The following TLR7 variants were observed in gnomAD, a reference collection of about 807,000 sequenced individuals.
The protein encoded by TLR7 is toll-like receptor 7.
Under a neutral mutation model 38.3 loss-of-function variants are expected in TLR7, and 12 were observed. That is an observed-to-expected ratio of 0.31 (90% CI 0.20 to 0.51). TLR7 has a LOEUF of 0.51. Ranked by LOEUF, TLR7 falls within the 20% of genes least tolerant of loss-of-function variation. The pLI is 0.98. For synonymous variants in TLR7, 285 were observed against 293.8 expected, an observed-to-expected ratio of 0.97 and a Z score of 0.31; for missense variants, 504 against 743.4, an observed-to-expected ratio of 0.68 and a Z score of 3.74.
chrX:12,871,158 T>G (rs1412283999), intron 2 of TLR7, among the ~76,000 whole-genome samples: 1 of 112,318 alleles, frequency 8.9e-6, no homozygotes, highest in Non-Finnish European at 1.9e-5. Context: ...AACCTTGTAC[T>G]TAAACGTTTT....
intron 2 of TLR7, among the ~76,000 whole-genome samples, chrX:12,878,420 C>T (rs935323644): frequency 1.8e-5 from 2 of 111,538 alleles, no homozygotes; most frequent in South Asian, 7.5e-4. Context: ...TATTTAAGTA[C>T]CTCCATAATA....
Position 12,867,502 on chromosome X carries a change from CA to C in TLR7, c.-75del. Reference sequence around the variant, plus strand: ...TTAGTTGATGCTATTGGGCCCATCTCAAGCTGATCTTGGCACCTCTCATGCT... The same window carrying C: ...TTAGTTGATGCTATTGGGCCCATCTCAGCTGATCTTGGCACCTCTCATGCT... On this transcript the variant is annotated 5_prime_UTR_variant, in exon 2 of 3. An upstream open reading frame in the 5' UTR loses its in-frame stop. Transcript: ENST00000380659. 1 of 1,012,791 alleles carries C rather than the reference CA, an allele frequency of 9.9e-7. No homozygotes were observed. The highest frequency in any genetic ancestry group is 1.4e-6 in the Non-Finnish European group (1 of 722,385). The allele number at this position is 1,012,791 out of a possible 1,213,427, so 83.5% of individuals were successfully genotyped here.
chrX:12,885,365 G>A (rs186456946), intron 2 of TLR7, 147 bp from the exon 3 acceptor site: 8 of 511,950 alleles, frequency 1.6e-5, no homozygotes, highest in Admixed American at 3.3e-5. Context: ...ACAGTCATGG[G>A]GTTGGGGATG....
At position 12,888,728 on chromosome X, in the gene TLR7, A is replaced by G; in HGVS notation, c.*70A>G. The G allele has an allele frequency of 9.5e-7, 1 of 1,057,333 alleles. No homozygotes were observed. Among genetic ancestry groups the G allele is most frequent in the Non-Finnish European group, 1.3e-6 (1 of 791,873 alleles). 87.1% of individuals were successfully genotyped at this position (1,057,333 alleles called of 1,213,427 possible). ...CTGGCTGTTTAAATTGTTTTCATAT[A>G]TATCACACCAAAAGCGTGTTTTGAA... is the stretch of plus-strand genomic sequence containing the variant. On this transcript the variant is annotated 3_prime_UTR_variant, in exon 3 of 3. Transcript: ENST00000380659.
rs1340885182 is a variant in TLR7 at position 12,888,612 on chromosome X, C to T, written c.3104C>T (p.Thr1035Ile). 1.7e-6 allele frequency: 2 copies of T among 1,211,211 alleles called. No homozygotes were observed. The change falls in exon 3 of 3, where the codon ACA (threonine) becomes ATA (isoleucine). Residue 1035 changes from threonine (T) to isoleucine (I), a missense_variant. Transcript: ENST00000380659. Reference sequence around the variant, plus strand: ...CAGTGTCTAAAGAACGCCCTGGCCACAGACAATCATGTGGCCTATAGTCAG... The same window carrying T: ...CAGTGTCTAAAGAACGCCCTGGCCATAGACAATCATGTGGCCTATAGTCAG... ...FWQCLKNALA[T>I]DNHVAYSQVF...
intron 2 of TLR7, among the ~76,000 whole-genome samples, chrX:12,878,080 T>C (rs1366900638): frequency 8.9e-6 from 1 of 112,005 alleles, no homozygotes. Context: ...TCTCGAGAAG[T>C]AGAATAGCAG....
Position 12,887,225 on chromosome X carries a change from A to G in TLR7, c.1717A>G (p.Ile573Val). Residue 573 changes from isoleucine to valine, a missense_variant, in exon 3 of 3, where the codon ATA becomes GTA. Ile to Val is a conservative substitution (Grantham distance 29, BLOSUM62 3). Coordinates refer to ENST00000380659, the MANE Select transcript of TLR7 (RefSeq NM_016562.4). The stretch of plus-strand genomic sequence containing the variant: ...GCTTCACAAACTGGAAGTTCTGGAT[A>G]TAAGCAGTAATAGCCATTATTTTCA... Reference protein sequence around the residue: ...EELHKLEVLDISSNSHYFQSE... With the variant: ...EELHKLEVLDVSSNSHYFQSE... The G allele has an allele frequency of 2.5e-6, 3 of 1,210,999 alleles. No individual in the cohort carries two copies. Among genetic ancestry groups the G allele is most frequent in the Non-Finnish European group, 3.4e-6 (3 of 895,094 alleles).
intron 2 of TLR7, chrX:12,877,325 C>A (rs1298870278): frequency 1.1e-5 from 1 of 88,128 alleles, no homozygotes; most frequent in Non-Finnish European, 2.3e-5. Flanking sequence ...CCTTCACCTG[C>A]TTTTTTTTTT....
chrX:12,868,730 C>A (rs1040275958), intron 2 of TLR7, among the ~76,000 whole-genome samples: 2 of 111,587 alleles, frequency 1.8e-5, no homozygotes, highest in African/African-American at 6.5e-5. Context: ...ATTATTTTGT[C>A]ACTTAAATCA....
chrX:12,873,237 T>C (rs2042859413), intron 2 of TLR7, among the ~76,000 whole-genome samples: 1 of 112,298 alleles, frequency 8.9e-6, no homozygotes, highest in Non-Finnish European at 1.9e-5. Flanking sequence ...TTCTTAATGA[T>C]GCCTATCCAA....
At chrX:12,880,379 C>T (rs2042887036) in intron 2 of TLR7, among the ~76,000 whole-genome samples, 4 of 111,970 alleles carry the variant, frequency 3.6e-5, no homozygotes, top group Non-Finnish European at 7.5e-5. Context: ...AACCCTCCAC[C>T]CAGAGTGCTT....
intron 2 of TLR7, among the ~76,000 whole-genome samples, chrX:12,875,621 T>C (rs2042867647): frequency 9.0e-6 from 1 of 111,621 alleles, no homozygotes; most frequent in South Asian, 3.7e-4. Flanking sequence ...TTTCCCATGC[T>C]GTTCTCATGA....
chrX:12,873,862 C>G (rs1268067020), intron 2 of TLR7, among the ~76,000 whole-genome samples: 1 of 112,022 alleles, frequency 8.9e-6, no homozygotes. Flanking sequence ...CTTTTTATGT[C>G]GATACCCACA....
rs906302080 is a variant in TLR7 at position 12,888,043 on chromosome X, T to C, written c.2535T>C (p.Leu845=). The change falls in exon 3 of 3, where the codon CTT becomes CTC. Residue 845 remains leucine (L), a synonymous_variant. Transcript: ENST00000380659. ...LDLTNLILFS[L]SISVSLFLMV... ...TGACTAACCTGATTCTGTTCTCACT[T>C]TCCATATCTGTATCTCTCTTTCTCA... is the stretch of plus-strand genomic sequence containing the variant. The C allele has an allele frequency of 8.3e-7, 1 of 1,210,035 alleles. No homozygotes were observed. The highest frequency in any genetic ancestry group is 1.7e-5 in the African/African-American group (1 of 57,240).
intron 2 of TLR7, among the ~76,000 whole-genome samples, chrX:12,875,518 C>G (rs1280846844): frequency 8.9e-6 from 1 of 112,031 alleles, no homozygotes; most frequent in Non-Finnish European, 1.9e-5. Context: ...AGCTGTGTCC[C>G]CACCTAAATC....
At chrX:12,881,259 AAT>A (rs1491169029) in intron 2 of TLR7, among the ~76,000 whole-genome samples, 4 of 107,010 alleles carry the variant, frequency 3.7e-5, no homozygotes, top group Non-Finnish European at 7.7e-5. Flanking sequence ...TAATAATAAT[AAT>A]AGTCTATAAT....
At position 12,887,340 on chromosome X, in the gene TLR7, C is replaced by T; in HGVS notation, c.1832C>T (p.Ser611Phe). The T allele has an allele frequency of 8.3e-7, 1 of 1,211,678 alleles. No homozygotes were observed. The change falls in exon 3 of 3, where the codon TCC becomes TTC. Residue 611 changes from serine to phenylalanine, a missense_variant. Coordinates refer to ENST00000380659, the MANE Select transcript of TLR7 (RefSeq NM_016562.4). ...LMMNDNDISSSTSRTMESESL... is the reference protein window; with the variant it reads ...LMMNDNDISSFTSRTMESESL... ...ATGAACGACAATGACATCTCTTCCT[C>T]CACCAGCAGGACCATGGAGAGTGAG... is the stretch of plus-strand genomic sequence containing the variant.
chrX:12,882,535 G>T (rs2042896346), intron 2 of TLR7, among the ~76,000 whole-genome samples: 1 of 111,655 alleles, frequency 9.0e-6, no homozygotes, highest in African/African-American at 3.3e-5. Flanking sequence ...CACAGTCATT[G>T]TCTCAGGTGT....
intron 2 of TLR7, among the ~76,000 whole-genome samples, chrX:12,881,791 G>C (rs2042893542): frequency 9.0e-6 from 1 of 110,819 alleles, no homozygotes. Flanking sequence ...TTCGGATAAG[G>C]GATTGAAGAC....
Sources: allele counts gnomAD v4.1 joint callset (sites outside exome capture counted in the v4.1 genomes callset), GRCh38; gene constraint gnomAD v4.1.1; transcripts MANE v1.5; gene names NCBI Gene and HGNC (gene_info 2026-07-23, HGNC 2026-07-21).